Variants in JAKMIP1 observed in about 807,000 individuals in gnomAD.
JAKMIP1 encodes janus kinase and microtubule-interacting protein 1.
A neutral mutation model predicts 113.0 loss-of-function variants in JAKMIP1; 33 were observed. The observed-to-expected ratio is 0.29, with a 90% CI of 0.22 to 0.39. The LOEUF (loss-of-function observed/expected upper bound fraction) is 0.39, where lower values mean the gene tolerates loss of function less well. Among genes scored for constraint, JAKMIP1 ranks in the 10% least tolerant of loss-of-function variants. JAKMIP1 has a pLI of 1.00. For synonymous variants in JAKMIP1, 480 were observed against 459.9 expected, an observed-to-expected ratio of 1.04 and a Z score of -0.56; for missense variants, 813 against 1,080.5, an observed-to-expected ratio of 0.75 and a Z score of 3.47.
Position 6,142,124 on chromosome 4 carries a change from G to A in JAKMIP1, c.-147-29127C>T, listed in dbSNP as rs1415553280. ...GCTTGTCTTTTCCTCTTCATATCAT[G>A]AAATAAGAATTTTCCAAGACGCTCT... On this transcript the variant is annotated intron_variant, in intron 1 of 20. Transcript: ENST00000409021. This position sits in a 1 kb window ranked among gnomAD's most constrained non-coding sequence, Gnocchi z 5.5. Among the ~76,000 whole-genome samples, 2 of 150,040 alleles carry A rather than the reference G, an allele frequency of 1.3e-5. No homozygotes were observed. Among genetic ancestry groups the A allele is most frequent in the African/African-American group, 4.9e-5 (2 of 40,736 alleles).
rs1430274366 is a variant in JAKMIP1, at chr4:6,060,480, G to A, written c.1588C>T (p.Leu530=). 2 of 1,614,092 alleles carry A rather than the reference G, an allele frequency of 1.2e-6. No individual in the cohort carries two copies. Among genetic ancestry groups the A allele is most frequent in the East Asian group, 4.5e-5 (2 of 44,878 alleles). ...TCTTCGATTTTGGCCTGACACCTCA[G>A]CAGATCAGCTTGTAGCTGCTCCCGA... The part of the protein sequence containing the change: ...RTREQLQADL[L]RCQAKIEDLE... Residue 530 remains leucine, a synonymous_variant, in exon 11 of 21, where the codon CTG becomes TTG. Transcript: ENST00000409021.
rs781501321 is a variant in JAKMIP1, at chr4:6,139,475, A to G, written c.-147-26478T>C. Among the ~76,000 whole-genome samples, 2 of 152,066 alleles carry G rather than the reference A, an allele frequency of 1.3e-5. No homozygotes were observed. Among genetic ancestry groups the G allele is most frequent in the Non-Finnish European group, 2.9e-5 (2 of 68,026 alleles). On this transcript the variant is annotated intron_variant, in intron 1 of 20. Transcript: ENST00000409021. The surrounding 1 kb of genome is among the most constrained non-coding windows in gnomAD (Gnocchi z 5.2). ...CAATATGATGGGTGTTCCTACAAAA[A>G]GAAGAAATGGGGCTGGTCGTGGTGG...
At chr4:6,053,807 A>C in intron 13 of JAKMIP1, 1 of 1,293,836 alleles carries the variant, frequency 7.7e-7, no homozygotes, top group Non-Finnish European at 9.8e-7. Context: ...TAGGCAATAA[A>C]TATATTAGCT....
chr4:6,092,101 A>T (rs1378192514), intron 3 of JAKMIP1, among the ~76,000 whole-genome samples: 3 of 152,186 alleles, frequency 2.0e-5, no homozygotes, highest in African/African-American at 7.2e-5. Flanking sequence ...GGTAAGGAAA[A>T]GAAAAGAGAG....
At position 6,186,574 on chromosome 4, in the gene JAKMIP1, G is replaced by A. The variant is rs1394028138; in HGVS notation, c.-148+13679C>T. On this transcript the variant is annotated intron_variant, in intron 1 of 20. Transcript: ENST00000409021. The surrounding 1 kb of genome is among the most constrained non-coding windows in gnomAD (Gnocchi z 5.5). ...TTTTCTCTCCTTTTAATTTTATTGAGGTTGTATTAGGGCCTAGCATATGGT... is the reference window on the plus strand; with the variant it reads ...TTTTCTCTCCTTTTAATTTTATTGAAGTTGTATTAGGGCCTAGCATATGGT... Among the ~76,000 whole-genome samples the A allele has an allele frequency of 1.3e-5, 2 of 152,150 alleles. No homozygotes were observed. Among genetic ancestry groups the A allele is most frequent in the Admixed American group, 6.5e-5 (1 of 15,282 alleles).
intron 1 of JAKMIP1, among the ~76,000 whole-genome samples, chr4:6,126,412 ACCG>A: frequency 1.3e-5 from 2 of 148,210 alleles, no homozygotes; most frequent in African/African-American, 5.1e-5. Flanking sequence ...ACAAACATAC[ACCG>A]TACAGAAACA....
chr4:6,122,782 G>A (rs1716894120), intron 1 of JAKMIP1, among the ~76,000 whole-genome samples: 1 of 152,162 alleles, frequency 6.6e-6, no homozygotes, highest in African/African-American at 2.4e-5. Context: ...CACGGGCTCA[G>A]GAGCCAGAGT....
At chr4:6,160,594 G>GA (rs2109001144) in intron 1 of JAKMIP1, among the ~76,000 whole-genome samples, 1 of 152,030 alleles carries the variant, frequency 6.6e-6, no homozygotes, top group African/African-American at 2.4e-5. Flanking sequence ...CCTGGCTCCT[G>GA]AAGCATCCCT....
chr4:6,046,493 C>T (rs112715682), intron 16 of JAKMIP1, among the ~76,000 whole-genome samples: 145 of 152,150 alleles, frequency 9.5e-4, no homozygotes, highest in African/African-American at 2.9e-3. Context: ...CAGGCTAGGG[C>T]GACTGGCACA....
intron 1 of JAKMIP1, among the ~76,000 whole-genome samples, chr4:6,166,342 C>T (rs1325373546): frequency 6.6e-6 from 1 of 152,236 alleles, no homozygotes; most frequent in East Asian, 1.9e-4. Context: ...CTGGGCTCCC[C>T]TCCCCAGGCA....
Position 6,080,197 on chromosome 4 carries a change from T to A in JAKMIP1, c.1217A>T (p.Gln406Leu). Residue 406 changes from glutamine to leucine, a missense_variant, in exon 7 of 21, where the codon CAG becomes CTG. Gln to Leu is a moderately radical substitution (Grantham distance 113, BLOSUM62 -2). This residue lies in a region of JAKMIP1 where 540 missense variants were observed against 653.9 expected (regional missense o/e 0.83). Coordinates refer to ENST00000409021, the MANE Select transcript of JAKMIP1 (RefSeq NM_001099433.2). The surrounding 1 kb of genome is among the most constrained non-coding windows in gnomAD (Gnocchi z 6.0). ...CAGTGAGAGGTCGTCAATGACGTGC[T>A]GCTGCTCCAGCACCTGCAGCCTCAG... The part of the protein sequence containing the change: ...EFLRLQVLEQ[Q>L]HVIDDLSLER... 6.2e-7 allele frequency: 1 copy of A among 1,613,122 alleles called. No individual in the cohort carries two copies. Among genetic ancestry groups the A allele is most frequent in the Non-Finnish European group, 8.5e-7 (1 of 1,179,614 alleles).
Position 6,064,892 on chromosome 4 carries a change from T to C in JAKMIP1, c.1419A>G (p.Glu473=). Residue 473 remains glutamate (E), a synonymous_variant, in exon 9 of 21, where the codon GAA becomes GAG. Transcript: ENST00000409021. The surrounding 1 kb of genome is among the most constrained non-coding windows in gnomAD (Gnocchi z 4.3). ...CAGGTTTGCTTACATCGTCCAAGTC[T>C]TCTTCGGGCGTGGCTGGGGTCCTGT... is the stretch of plus-strand genomic sequence containing the variant. ...RTDRTPATPE[E]DLDDATAREE... The C allele has an allele frequency of 6.2e-7, 1 of 1,614,132 alleles. No individual in the cohort carries two copies. Among genetic ancestry groups the C allele is most frequent in the South Asian group, 1.1e-5 (1 of 91,064 alleles).
At chr4:6,130,606 T>C (rs1423048069) in intron 1 of JAKMIP1, among the ~76,000 whole-genome samples, 1 of 152,070 alleles carries the variant, frequency 6.6e-6, no homozygotes, top group African/African-American at 2.4e-5. Context: ...AGAACTACGA[T>C]TAATATGCCA....
At chr4:6,170,441 A>ACTACCATCACAACCAC (rs1299889919) in intron 1 of JAKMIP1, among the ~76,000 whole-genome samples, 2 of 148,246 alleles carry the variant, frequency 1.3e-5, no homozygotes, top group South Asian at 2.2e-4. Context: ...AGTCACCACC[A>ACTACCATCACAACCAC]CCTCCATCAC....
At chr4:6,145,991 G>A (rs1371989933) in intron 1 of JAKMIP1, among the ~76,000 whole-genome samples, 1 of 152,084 alleles carries the variant, frequency 6.6e-6, no homozygotes, top group African/African-American at 2.4e-5. Flanking sequence ...GGAACTTTGG[G>A]GGGACACATT....
Position 6,183,512 on chromosome 4 carries a change from A to AATTAATTAATTTT in JAKMIP1, c.-148+16740_-148+16741insAAAATTAATTAAT, listed in dbSNP as rs1560341022. 1.3e-4 allele frequency among the ~76,000 whole-genome samples: 20 copies of AATTAATTAATTTT among 151,852 alleles called. No individual in the cohort carries two copies. The highest frequency in any genetic ancestry group is 4.8e-4 in the African/African-American group (20 of 41,524). ...AATAAATAAATAAATAAATAAATTT[A>AATTAATTAATTTT]AAAAAGAAAGTAAAATGGAACAGAA... On this transcript the variant is annotated intron_variant, in intron 1 of 20. Transcript: ENST00000409021. The surrounding 1 kb of genome is among the most constrained non-coding windows in gnomAD (Gnocchi z 5.3).
At chr4:6,066,233 A>C (rs1249509285) in intron 8 of JAKMIP1, among the ~76,000 whole-genome samples, 1 of 152,100 alleles carries the variant, frequency 6.6e-6, no homozygotes, top group East Asian at 1.9e-4. Context: ...GATATCTGTA[A>C]ATGTGAGAAA....
intron 2 of JAKMIP1, among the ~76,000 whole-genome samples, chr4:6,110,444 T>C (rs1343890720): frequency 6.6e-6 from 1 of 151,540 alleles, no homozygotes; most frequent in East Asian, 2.0e-4. Flanking sequence ...ACTTGGTTAC[T>C]GCAGCCCTGG....
chr4:6,050,316 T>G lies in JAKMIP1; in HGVS notation c.1908+262A>C. 6.6e-6 allele frequency among the ~76,000 whole-genome samples: 1 copy of G among 152,198 alleles called. No homozygotes were observed. The highest frequency in any genetic ancestry group is 1.9e-4 in the East Asian group (1 of 5,200). Reference sequence around the variant, plus strand: ...GATTTCATAGCGAAGAGGCTAAGGCTCTGAAAGTTTACAGGCCAGAGCAGT... The same window carrying G: ...GATTTCATAGCGAAGAGGCTAAGGCGCTGAAAGTTTACAGGCCAGAGCAGT... On this transcript the variant is annotated intron_variant, in intron 14 of 20. Coordinates refer to ENST00000409021, the MANE Select transcript of JAKMIP1 (RefSeq NM_001099433.2). This position sits in a 1 kb window ranked among gnomAD's most constrained non-coding sequence, Gnocchi z 7.4.
Sources: gnomAD v4.1 joint callset for allele counts (sites outside exome capture counted in the v4.1 genomes callset) on GRCh38, gnomAD v4.1.1 for gene constraint, gnomAD v4.1.1 regional missense constraint, Gnocchi (gnomAD v3.1) non-coding constraint, MANE v1.5 for transcripts, NCBI Gene and HGNC (gene_info 2026-07-23, HGNC 2026-07-21) for gene names.